ARNT2: variants seen among roughly 807,000 people sequenced by gnomAD.
ARNT2 encodes aryl hydrocarbon receptor nuclear translocator 2, also known as ARNT protein 2.
A neutral mutation model predicts 91.7 loss-of-function variants in ARNT2; 36 were observed. The ratio of observed to expected loss-of-function variants is 0.39; its 90% CI spans 0.30 to 0.52. The LOEUF is 0.52. Ranked by LOEUF, ARNT2 falls within the 20% of genes least tolerant of loss-of-function variation. ARNT2 has a pLI of 0.72. For synonymous variants in ARNT2, 365 were observed against 347.1 expected (o/e 1.05, Z -0.57); for missense variants, 775 against 939.3 (o/e 0.83, Z 2.29).
At chr15:80,461,926 C>G (rs1268855007) in intron 3 of ARNT2, among the ~76,000 whole-genome samples, 1 of 152,092 alleles carries the variant, frequency 6.6e-6, no homozygotes, top group Non-Finnish European at 1.5e-5. Flanking sequence ...GGTGATAAAC[C>G]CTGTGTCTTT....
In ARNT2 at chr15:80,583,268, A is replaced by G. The variant is rs573351851; in HGVS notation, c.1918+1864A>G. Among the ~76,000 whole-genome samples, 24 of 152,378 alleles carry G rather than the reference A, an allele frequency of 1.6e-4. No homozygotes were observed. In the South Asian group the frequency reaches 2.1e-3, roughly 13 times the overall value. ...AGGCTTCGGAGCAGAGCTAACACGCAACCGTGGCAAGGTCTTGGAGCATCC... is the reference window on the plus strand; with the variant it reads ...AGGCTTCGGAGCAGAGCTAACACGCGACCGTGGCAAGGTCTTGGAGCATCC... On this transcript the variant is annotated intron_variant, in intron 17 of 18. Transcript: ENST00000303329.
chr15:80,582,545 G>A (rs916911081), intron 17 of ARNT2, among the ~76,000 whole-genome samples: 1 of 151,802 alleles, frequency 6.6e-6, no homozygotes, highest in African/African-American at 2.4e-5. Context: ...GCACACAATG[G>A]GGAGTTGTCA....
At chr15:80,499,305 G>A (rs906982551) in intron 5 of ARNT2, among the ~76,000 whole-genome samples, 2 of 152,158 alleles carry the variant, frequency 1.3e-5, no homozygotes, top group African/African-American at 2.4e-5. Flanking sequence ...TCCTAGGGCT[G>A]TGTAGATAAA....
intron 17 of ARNT2, among the ~76,000 whole-genome samples, chr15:80,587,302 A>G (rs1250473296): frequency 6.7e-6 from 1 of 150,288 alleles, no homozygotes; most frequent in Non-Finnish European, 1.5e-5. Flanking sequence ...TCTCTTCCTT[A>G]TAGGGGGTTC....
intron 12 of ARNT2, 49 bp downstream of exon 12, chr15:80,563,288 G>C (rs754752706): frequency 6.2e-7 from 1 of 1,609,852 alleles, no homozygotes; most frequent in Admixed American, 1.7e-5. Flanking sequence ...GCGCTTGCTT[G>C]GGTCCAGAGC....
intron 15 of ARNT2, among the ~76,000 whole-genome samples, chr15:80,579,552 C>T (rs1898753305): frequency 6.6e-6 from 1 of 152,138 alleles, no homozygotes; most frequent in Non-Finnish European, 1.5e-5. Flanking sequence ...CTGTGATGAG[C>T]CCCATTCTGC....
chr15:80,593,995 A>G lies in ARNT2; in HGVS notation c.*297A>G. 1 of 335,198 alleles carries G rather than the reference A, an allele frequency of 3.0e-6. No individual in the cohort carries two copies. Among genetic ancestry groups the G allele is most frequent in the South Asian group, 5.4e-5 (1 of 18,470 alleles). 20.8% of individuals were successfully genotyped at this position (335,198 alleles called of 1,614,324 possible). A position where few individuals can be genotyped will look rare whatever the true frequency, so the allele number is the denominator to read the frequency against. ...GGGTCCTTAAGTTTGGTTGTGAATAATCTCTTGATAGACAATTTATACCCA... is the reference window on the plus strand; with the variant it reads ...GGGTCCTTAAGTTTGGTTGTGAATAGTCTCTTGATAGACAATTTATACCCA... On this transcript the variant is annotated 3_prime_UTR_variant, in exon 19 of 19. Transcript: ENST00000303329.
At chr15:80,438,231 A>G (rs762912009) in intron 1 of ARNT2, among the ~76,000 whole-genome samples, 5 of 152,236 alleles carry the variant, frequency 3.3e-5, no homozygotes, top group African/African-American at 4.8e-5. Context: ...TGTGCTTACC[A>G]TGCTGCAATT....
At chr15:80,440,711 G>A (rs1239795020) in intron 1 of ARNT2, among the ~76,000 whole-genome samples, 3 of 152,190 alleles carry the variant, frequency 2.0e-5, no homozygotes, top group Non-Finnish European at 4.4e-5. Context: ...CCAGGGCTCG[G>A]TATCCAGGCT....
intron 1 of ARNT2, among the ~76,000 whole-genome samples, chr15:80,442,587 TC>T (rs1405700468): frequency 7.9e-5 from 12 of 152,212 alleles, no homozygotes; most frequent in African/African-American, 2.9e-4. Context: ...GGAAATAATG[TC>T]CTGATAAACT....
chr15:80,407,226 G>A (rs958008499), intron 1 of ARNT2, among the ~76,000 whole-genome samples: 2 of 152,092 alleles, frequency 1.3e-5, no homozygotes, highest in East Asian at 1.9e-4. Flanking sequence ...ACCTCCCCAC[G>A]CCCCCACTTG....
chr15:80,433,502 A>T (rs11631931), intron 1 of ARNT2, among the ~76,000 whole-genome samples: 107,547 of 151,636 alleles, frequency 0.71, 39,534 homozygotes, highest in East Asian at 0.86. Flanking sequence ...TCCAGACTGG[A>T]CTTGAACTGC....
intron 7 of ARNT2, 141 bp from the exon 8 acceptor site, chr15:80,514,179 G>A (rs1033785155): frequency 2.2e-5 from 22 of 995,072 alleles, no homozygotes; most frequent in Non-Finnish European, 2.8e-5. Flanking sequence ...TGGGAGGAAG[G>A]AACACAGGAT....
At chr15:80,546,638 C>T (rs1015171841) in intron 8 of ARNT2, among the ~76,000 whole-genome samples, 5 of 152,166 alleles carry the variant, frequency 3.3e-5, no homozygotes, top group African/African-American at 1.2e-4. Context: ...CGACTAGAGA[C>T]ATAGTCTTGG....
chr15:80,545,953 C>T (rs1897983066), intron 8 of ARNT2, among the ~76,000 whole-genome samples: 1 of 152,108 alleles, frequency 6.6e-6, no homozygotes, highest in Admixed American at 6.5e-5. Flanking sequence ...GCTAGTATAC[C>T]GTCTTCCACC....
intron 1 of ARNT2, among the ~76,000 whole-genome samples, chr15:80,408,616 G>A (rs928598525): frequency 2.0e-5 from 3 of 152,166 alleles, no homozygotes; most frequent in Non-Finnish European, 2.9e-5. Context: ...AGACGTGTGC[G>A]CTATGCTTGC....
At position 80,475,127 on chromosome 15, in the gene ARNT2, T is replaced by C. The variant is rs1444854281; in HGVS notation, c.526T>C (p.Ser176Pro). Residue 176 changes from serine to proline, a missense_variant, in exon 5 of 19, where the codon TCA becomes CCA. Coordinates refer to ENST00000303329, the MANE Select transcript of ARNT2 (RefSeq NM_014862.4). Reference protein sequence around the residue: ...SVTPVLNQPQSEWFGSTLYEQ... With the variant: ...SVTPVLNQPQPEWFGSTLYEQ... ...CACCCCTGTTCTGAACCAGCCCCAGTCAGAGTGGTTTGGGAGCACACTGTA... is the reference window on the plus strand; with the variant it reads ...CACCCCTGTTCTGAACCAGCCCCAGCCAGAGTGGTTTGGGAGCACACTGTA... 6.2e-7 allele frequency: 1 copy of C among 1,614,060 alleles called. No homozygotes were observed. The highest frequency in any genetic ancestry group is 8.5e-7 in the Non-Finnish European group (1 of 1,180,046).
chr15:80,426,071 A>G (rs1012690387), intron 1 of ARNT2, among the ~76,000 whole-genome samples: 1 of 152,172 alleles, frequency 6.6e-6, no homozygotes, highest in African/African-American at 2.4e-5. Context: ...AAAGAAAAGA[A>G]AAGAAAAGAA....
chr15:80,593,728 A>G lies in ARNT2; in HGVS notation c.*30A>G, dbSNP rs1382409188. On this transcript the variant is annotated 3_prime_UTR_variant, in exon 19 of 19. Coordinates refer to ENST00000303329, the MANE Select transcript of ARNT2 (RefSeq NM_014862.4). Reference sequence around the variant, plus strand: ...GGCCAGAGTGAGGCTCCTGCTGTACAGTGCCACCCATACTGTGATGTCGAT... The same window carrying G: ...GGCCAGAGTGAGGCTCCTGCTGTACGGTGCCACCCATACTGTGATGTCGAT... 3 of 1,561,500 alleles carry G rather than the reference A, an allele frequency of 1.9e-6. No individual in the cohort carries two copies. The highest frequency in any genetic ancestry group is 2.3e-5 in the East Asian group (1 of 43,612).
Sources: allele counts gnomAD v4.1 joint callset (sites outside exome capture counted in the v4.1 genomes callset), GRCh38; gene constraint gnomAD v4.1.1; transcripts MANE v1.5; gene names NCBI Gene and HGNC (gene_info 2026-07-23, HGNC 2026-07-21).